The following BBX variants were observed in gnomAD, a reference collection of about 807,000 sequenced individuals.
The protein encoded by BBX is HMG box transcription factor BBX.
A neutral mutation model predicts 100.2 loss-of-function variants in BBX; 30 were observed. That is an observed-to-expected ratio of 0.30 (90% CI 0.22 to 0.41). BBX has a LOEUF of 0.41. BBX is among the 10% of genes least tolerant of loss of function. The pLI is 1.00. For missense variants in BBX, 1,023 were observed against 1,129.8 expected, an observed-to-expected ratio of 0.91 and a Z score of 1.35; for synonymous variants, 376 against 388.1, an observed-to-expected ratio of 0.97 and a Z score of 0.37.
chr3:107,680,288 AC>A (rs1374690229), intron 3 of BBX, among the ~76,000 whole-genome samples: 10 of 152,102 alleles, frequency 6.6e-5, no homozygotes, highest in African/African-American at 2.4e-4. Context: ...ACCTAGAGCT[AC>A]TCCTGAGTTG....
At chr3:107,554,474 T>C (rs1466901980) in intron 2 of BBX, among the ~76,000 whole-genome samples, 1 of 152,184 alleles carries the variant, frequency 6.6e-6, no homozygotes, top group African/African-American at 2.4e-5. Flanking sequence ...TTTATATGTA[T>C]CTAGCTCACA....
chr3:107,653,842 G>A (rs1457886447), intron 3 of BBX, among the ~76,000 whole-genome samples: 1 of 152,148 alleles, frequency 6.6e-6, no homozygotes, highest in African/African-American at 2.4e-5. Flanking sequence ...TATGTGGTGA[G>A]CACTGTCCTA....
At chr3:107,598,631 A>AATT (rs1217073509) in intron 2 of BBX, among the ~76,000 whole-genome samples, 2 of 152,218 alleles carry the variant, frequency 1.3e-5, no homozygotes, top group Non-Finnish European at 1.5e-5. Context: ...CTTTAGTTTT[A>AATT]CAGAAAATGA....
At position 107,805,489 on chromosome 3, in the gene BBX, A is replaced by G; in HGVS notation, c.*32A>G. On this transcript the variant is annotated 3_prime_UTR_variant, in exon 18 of 18. Transcript: ENST00000325805. ...CTTTCATTGTAAAACATTGTGCTTT[A>G]CCTACTACCCTAGCCTTGTCTTTAC... The G allele has an allele frequency of 1.2e-6, 2 of 1,614,034 alleles. No homozygotes were observed. The highest frequency in any genetic ancestry group is 1.7e-6 in the Non-Finnish European group (2 of 1,179,942).
chr3:107,638,784 CA>C, intron 2 of BBX, among the ~76,000 whole-genome samples: 2 of 5,456 alleles, frequency 3.7e-4, no homozygotes, highest in Non-Finnish European at 5.3e-4. Flanking sequence ...AAAGTATACA[CA>C]CACACACACA....
chr3:107,746,983 A>T (rs1464405026), intron 8 of BBX, among the ~76,000 whole-genome samples: 2 of 152,198 alleles, frequency 1.3e-5, no homozygotes, highest in East Asian at 1.9e-4. Context: ...TATGATGCCC[A>T]GGCTTTCTGC....
chr3:107,745,569 C>T lies in BBX; in HGVS notation c.750+859C>T, dbSNP rs112878788. On this transcript the variant is annotated intron_variant, in intron 8 of 17. Coordinates refer to ENST00000325805, the MANE Select transcript of BBX (RefSeq NM_001142568.3). ...CTGAAACTCCTGGGCTCAAGGGATCCGCTTGTCTCAGCCTCCTGATAGCTA... is the reference window on the plus strand; with the variant it reads ...CTGAAACTCCTGGGCTCAAGGGATCTGCTTGTCTCAGCCTCCTGATAGCTA... Among the ~76,000 whole-genome samples, 166 of 152,110 alleles carry T rather than the reference C, an allele frequency of 1.1e-3. 4 individuals are homozygous for T. Among genetic ancestry groups the T allele is most frequent in the African/African-American group, 3.7e-3 (154 of 41,498 alleles).
At chr3:107,780,184 G>A (rs1576774692) in intron 13 of BBX, among the ~76,000 whole-genome samples, 1 of 152,134 alleles carries the variant, frequency 6.6e-6, no homozygotes, top group Admixed American at 6.6e-5. Context: ...AAGATACCAA[G>A]TATCTTGAGC....
intron 3 of BBX, chr3:107,677,425 A>T (rs2059337266): frequency 6.6e-6 from 1 of 152,134 alleles, no homozygotes; most frequent in Admixed American, 6.6e-5. Context: ...TTTCAAATAC[A>T]GATGCTCTTT....
chr3:107,553,792 C>T (rs773004308), intron 2 of BBX, among the ~76,000 whole-genome samples: 8 of 152,100 alleles, frequency 5.3e-5, no homozygotes, highest in Non-Finnish European at 1.2e-4. Context: ...TGGTTACTTA[C>T]CCAGTTCAAC....
chr3:107,654,118 T>C (rs1000227646), intron 3 of BBX, among the ~76,000 whole-genome samples: 14 of 152,208 alleles, frequency 9.2e-5, no homozygotes, highest in African/African-American at 2.9e-4. Flanking sequence ...GCAGCTATTG[T>C]CAATCCCCTT....
At chr3:107,786,546 G>A (rs1238106225) in intron 13 of BBX, among the ~76,000 whole-genome samples, 2 of 152,096 alleles carry the variant, frequency 1.3e-5, no homozygotes, top group African/African-American at 4.8e-5. Context: ...TATCCAATGA[G>A]AACAGTAGAG....
rs1576741924 is a variant in BBX at position 107,773,710 on chromosome 3, A to C, written c.1915+74A>C. ...TTCACCTTTAGACCTATTGAAAACAACTGCCATAAAAAACAATATGGTATC... is the reference window on the plus strand; with the variant it reads ...TTCACCTTTAGACCTATTGAAAACACCTGCCATAAAAAACAATATGGTATC... On this transcript the variant is annotated intron_variant, in intron 11 of 17. Transcript: ENST00000325805. This position sits in a 1 kb window ranked among gnomAD's most constrained non-coding sequence, Gnocchi z 4.1. 25 of 1,344,510 alleles carry C rather than the reference A, an allele frequency of 1.9e-5. No homozygotes were observed. Among genetic ancestry groups the C allele is most frequent in the African/African-American group, 1.5e-5 (1 of 67,966 alleles). The allele number at this position is 1,344,510 out of a possible 1,614,324, so 83.3% of individuals were successfully genotyped here.
At chr3:107,588,562 C>T (rs1329805747) in intron 2 of BBX, among the ~76,000 whole-genome samples, 2 of 152,154 alleles carry the variant, frequency 1.3e-5, no homozygotes, top group African/African-American at 2.4e-5. Context: ...TGTTAAGATT[C>T]AGATCCCAGT....
At chr3:107,674,117 G>C (rs1019001629) in intron 3 of BBX, among the ~76,000 whole-genome samples, 2 of 152,158 alleles carry the variant, frequency 1.3e-5, no homozygotes, top group Non-Finnish European at 2.9e-5. Context: ...GAACGTGTCA[G>C]TAAATCATCT....
chr3:107,576,217 A>G (rs922476056), intron 2 of BBX, among the ~76,000 whole-genome samples: 4 of 152,248 alleles, frequency 2.6e-5, no homozygotes, highest in African/African-American at 7.2e-5. Flanking sequence ...GGCTCAGTCA[A>G]TACCAGTGAT....
Position 107,716,686 on chromosome 3 carries a change from G to A in BBX, c.242G>A (p.Arg81Gln), listed in dbSNP as rs757116282. The change falls in exon 5 of 18, where the codon CGG becomes CAG. Residue 81 changes from arginine (R) to glutamine (Q), a missense_variant. Physicochemically the swap from Arg to Gln is conservative, Grantham distance 43. This residue lies in a region of BBX where 229 missense variants were observed against 226.3 expected (regional missense o/e 1.01). Transcript: ENST00000325805. ...GATGAATCACCAGAGCAGCGAGCCC[G>A]GAGACCAATGAATGCATTTCTTTTA... ...EDDESPEQRARRPMNAFLLFC... is the reference protein window; with the variant it reads ...EDDESPEQRAQRPMNAFLLFC... The A allele has an allele frequency of 9.9e-6, 16 of 1,613,666 alleles. No individual in the cohort carries two copies. Among genetic ancestry groups the A allele is most frequent in the Admixed American group, 1.7e-5 (1 of 59,948 alleles).
intron 2 of BBX, among the ~76,000 whole-genome samples, chr3:107,594,249 G>A (rs909538020): frequency 1.3e-5 from 2 of 151,874 alleles, no homozygotes; most frequent in African/African-American, 2.4e-5. Flanking sequence ...ATTTTTTCAC[G>A]TTCACAGTTG....
At chr3:107,578,053 A>G (rs191066728) in intron 2 of BBX, among the ~76,000 whole-genome samples, 60 of 152,304 alleles carry the variant, frequency 3.9e-4, no homozygotes, top group Non-Finnish European at 7.9e-4. Flanking sequence ...GATAAAGTGC[A>G]TTTTTGCTGT....
Sources: gnomAD v4.1 joint callset for allele counts (sites outside exome capture counted in the v4.1 genomes callset) on GRCh38, gnomAD v4.1.1 for gene constraint, gnomAD v4.1.1 regional missense constraint, Gnocchi (gnomAD v3.1) non-coding constraint, MANE v1.5 for transcripts, NCBI Gene and HGNC (gene_info 2026-07-23, HGNC 2026-07-21) for gene names.